MORC1: variants seen among roughly 807,000 people sequenced by gnomAD.
MORC1 encodes MORC family CW-type zinc finger 1.
A neutral mutation model predicts 134.9 loss-of-function variants in MORC1; 59 were observed. That is an observed-to-expected ratio of 0.44 (90% confidence interval 0.35 to 0.54). The LOEUF is 0.54. MORC1 is among the 20% of genes least tolerant of loss of function. MORC1 has a pLI of 0.00. For missense variants in MORC1, 947 were observed against 1,134.5 expected (o/e 0.83, Z 2.37); for synonymous variants, 395 against 391.7 (o/e 1.01, Z -0.10).
At chr3:108,993,507 G>A (rs1049365398) in intron 21 of MORC1, among the ~76,000 whole-genome samples, 1 of 152,116 alleles carries the variant, frequency 6.6e-6, no homozygotes, top group African/African-American at 2.4e-5. Context: ...TTGTAAGAGG[G>A]CTTCCCGTGA....
intron 8 of MORC1, among the ~76,000 whole-genome samples, chr3:109,071,570 G>A (rs1324742830): frequency 6.6e-6 from 1 of 151,726 alleles, no homozygotes; most frequent in Non-Finnish European, 1.5e-5. Flanking sequence ...GCTGACAAGG[G>A]AAAAAAAATA....
intron 23 of MORC1, among the ~76,000 whole-genome samples, chr3:108,981,910 T>TC (rs1553742944): frequency 6.6e-6 from 1 of 152,042 alleles, no homozygotes; most frequent in Non-Finnish European, 1.5e-5. Context: ...ACAAGTGGGA[T>TC]CTAATTAAAC....
intron 2 of MORC1, 144 bp downstream of exon 2, chr3:109,114,240 G>A (rs1051566398): frequency 4.8e-6 from 3 of 626,902 alleles, no homozygotes; most frequent in Non-Finnish European, 7.8e-6. Flanking sequence ...CTTTTTCCTA[G>A]AACACCTTGA....
intron 3 of MORC1, among the ~76,000 whole-genome samples, chr3:109,105,062 A>G (rs369902510): frequency 6.6e-6 from 1 of 152,172 alleles, no homozygotes; most frequent in African/African-American, 2.4e-5. Flanking sequence ...TTTCCAGCAC[A>G]TTTATTAAGT....
intron 21 of MORC1, among the ~76,000 whole-genome samples, chr3:108,997,816 GT>G (rs1438849228): frequency 1.3e-5 from 2 of 152,060 alleles, no homozygotes; most frequent in African/African-American, 2.4e-5. Context: ...AGAGTGAGAT[GT>G]TGCCTGAAAC....
At chr3:109,088,477 A>G (rs971420433) in intron 8 of MORC1, among the ~76,000 whole-genome samples, 1 of 152,168 alleles carries the variant, frequency 6.6e-6, no homozygotes, top group Non-Finnish European at 1.5e-5. Context: ...AAAAACCTCA[A>G]TATCACTGAT....
At chr3:108,959,710 G>T (rs1232609361) in intron 27 of MORC1, among the ~76,000 whole-genome samples, 1 of 152,126 alleles carries the variant, frequency 6.6e-6, no homozygotes, top group Non-Finnish European at 1.5e-5. Context: ...CATGGAAAAT[G>T]CATATTATGA....
intron 14 of MORC1, among the ~76,000 whole-genome samples, chr3:109,036,896 T>G (rs6773364): frequency 0.059 from 8,917 of 152,292 alleles, 383 homozygotes; most frequent in Non-Finnish European, 0.084. Flanking sequence ...ATTTGGTTTT[T>G]GTGGAGAATC....
At chr3:109,098,290 T>A (rs929193114) in intron 6 of MORC1, among the ~76,000 whole-genome samples, 8 of 152,204 alleles carry the variant, frequency 5.3e-5, no homozygotes, top group South Asian at 2.1e-4. Context: ...TAGTTTTTTT[T>A]AAAAAAGGGA....
chr3:108,990,054 T>G (rs2715699), intron 21 of MORC1, among the ~76,000 whole-genome samples: 63,820 of 151,788 alleles, frequency 0.42, 14,093 homozygotes, highest in Middle Eastern at 0.55. Context: ...CCCTACACAT[T>G]CTCTCTTGCC....
intron 9 of MORC1, among the ~76,000 whole-genome samples, chr3:109,064,239 T>C (rs1039409956): frequency 9.9e-5 from 15 of 152,190 alleles, no homozygotes; most frequent in Admixed American, 2.0e-4. Context: ...TAGATTGCTA[T>C]AGCACATAAT....
chr3:108,997,652 T>C (rs1040042043), intron 21 of MORC1, among the ~76,000 whole-genome samples: 1 of 152,060 alleles, frequency 6.6e-6, no homozygotes, highest in Non-Finnish European at 1.5e-5. Context: ...AAATAAAACA[T>C]AACAGTGAGC....
At chr3:108,966,712 T>C (rs1454213427) in intron 26 of MORC1, among the ~76,000 whole-genome samples, 1 of 152,100 alleles carries the variant, frequency 6.6e-6, no homozygotes, top group Non-Finnish European at 1.5e-5. Flanking sequence ...AAACATAATA[T>C]TGACCAAGCT....
At chr3:109,014,056 A>G (rs1379355185) in intron 17 of MORC1, among the ~76,000 whole-genome samples, 2 of 152,232 alleles carry the variant, frequency 1.3e-5, no homozygotes, top group East Asian at 3.8e-4. Context: ...TTGTTATAGT[A>G]TCACAAAAGA....
intron 2 of MORC1, among the ~76,000 whole-genome samples, chr3:109,111,611 A>C (rs1277781133): frequency 6.6e-6 from 1 of 152,214 alleles, no homozygotes; most frequent in Non-Finnish European, 1.5e-5. Flanking sequence ...CTCTGGCTTC[A>C]ATATCGAGGG....
intron 12 of MORC1, among the ~76,000 whole-genome samples, chr3:109,058,781 A>G (rs371699010): frequency 1.8e-4 from 28 of 152,074 alleles, no homozygotes; most frequent in African/African-American, 6.5e-4. Context: ...AGGATACGAC[A>G]TAGTCACTCT....
intron 21 of MORC1, among the ~76,000 whole-genome samples, chr3:108,993,205 A>G (rs1948114388): frequency 6.6e-6 from 1 of 152,164 alleles, no homozygotes; most frequent in Non-Finnish European, 1.5e-5. Context: ...CTTCAGCACA[A>G]CAATCAGATA....
chr3:108,978,777 ATGT>A (rs1368257222), intron 24 of MORC1, among the ~76,000 whole-genome samples: 1 of 152,172 alleles, frequency 6.6e-6, no homozygotes, highest in Non-Finnish European at 1.5e-5. Flanking sequence ...CAGGTAGGGC[ATGT>A]TGTTTGTTTT....
chr3:109,012,724 AGAAAAAGT>A (rs1330494609), intron 17 of MORC1, among the ~76,000 whole-genome samples: 10 of 152,240 alleles, frequency 6.6e-5, no homozygotes, highest in Non-Finnish European at 1.0e-4. Flanking sequence ...GCTAATATAT[AGAAAAAGT>A]TAATTTTTAT....
Sources: allele counts gnomAD v4.1 joint callset (sites outside exome capture counted in the v4.1 genomes callset), GRCh38; gene constraint gnomAD v4.1.1; transcripts MANE v1.5; gene names NCBI Gene and HGNC (gene_info 2026-07-23, HGNC 2026-07-21).